The following IGSF21 variants were observed in gnomAD, a reference collection of about 807,000 sequenced individuals.
IGSF21 encodes the protein immunoglobin superfamily member 21, also known as immunoglobulin superfamily member 21.
Under a neutral mutation model 46.8 loss-of-function variants are expected in IGSF21, and 28 were observed. That is an observed-to-expected ratio of 0.60 (90% CI 0.44 to 0.82). The LOEUF (loss-of-function observed/expected upper bound fraction) is 0.82, where lower values mean the gene tolerates loss of function less well. Ranked by LOEUF, IGSF21 falls within the 40% of genes least tolerant of loss-of-function variation. The pLI, the probability that IGSF21 is intolerant of heterozygous loss-of-function variation, is 0.00. For missense variants in IGSF21, 624 were observed against 665.5 expected (o/e 0.94, Z 0.69); for synonymous variants, 284 against 273.6 (o/e 1.04, Z -0.38).
intron 4 of IGSF21, among the ~76,000 whole-genome samples, chr1:18,338,899 G>A (rs949277193): frequency 1.2e-4 from 18 of 151,856 alleles, no homozygotes; most frequent in African/African-American, 4.1e-4. Context: ...TGCAGGTTAG[G>A]GGGGAGGGAG....
chr1:18,362,171 T>C lies in IGSF21; in HGVS notation c.481T>C (p.Tyr161His). ...TGACACACCAGCCCCCTTCAGCCGC[T>C]ACCAAGCCCAGAACTTCACGCTGGT... Reference protein sequence around the residue: ...AADTPAPFSRYQAQNFTLVCI... With the variant: ...AADTPAPFSRHQAQNFTLVCI... Residue 161 changes from tyrosine (Y) to histidine (H), a missense_variant, in exon 5 of 10, where the codon TAC becomes CAC. Transcript: ENST00000251296. 6.2e-7 allele frequency: 1 copy of C among 1,613,396 alleles called. No homozygotes were observed. The highest frequency in any genetic ancestry group is 8.5e-7 in the Non-Finnish European group (1 of 1,179,776).
At chr1:18,300,093 C>T (rs2085346933) in intron 3 of IGSF21, among the ~76,000 whole-genome samples, 1 of 152,156 alleles carries the variant, frequency 6.6e-6, no homozygotes, top group Non-Finnish European at 1.5e-5. Context: ...TACATATCAA[C>T]TGAGCAACAA....
chr1:18,241,035 A>C (rs1268508771), intron 2 of IGSF21, among the ~76,000 whole-genome samples: 1 of 152,192 alleles, frequency 6.6e-6, no homozygotes. Context: ...GACTGTTCTG[A>C]GAAGCAGACA....
Position 18,365,278 on chromosome 1 carries a change from C to T in IGSF21, c.596C>T (p.Pro199Leu), listed in dbSNP as rs1462405600. Residue 199 changes from proline to leucine, a missense_variant, in exon 6 of 10, where the codon CCA becomes CTA. Pro to Leu is a moderately conservative substitution (Grantham distance 98). Coordinates refer to ENST00000251296, the MANE Select transcript of IGSF21 (RefSeq NM_032880.5). The surrounding 1 kb of genome is among the most constrained non-coding windows in gnomAD (Gnocchi z 4.8). ...GACGCAGTGCCCCTATCAGAGCCACCAGCTGCGAGCTCCGGCCCCCTACAG... is the reference window on the plus strand; with the variant it reads ...GACGCAGTGCCCCTATCAGAGCCACTAGCTGCGAGCTCCGGCCCCCTACAG... ...PIDAVPLSEP[P>L]AASSGPLQDS... The T allele has an allele frequency of 6.2e-7, 1 of 1,613,742 alleles. No homozygotes were observed. Among genetic ancestry groups the T allele is most frequent in the Non-Finnish European group, 8.5e-7 (1 of 1,179,786 alleles).
intron 1 of IGSF21, among the ~76,000 whole-genome samples, chr1:18,168,419 G>A (rs1345803773): frequency 6.6e-6 from 1 of 152,088 alleles, no homozygotes; most frequent in Non-Finnish European, 1.5e-5. Flanking sequence ...GCATCACTCA[G>A]CTCCATGCCT....
intron 1 of IGSF21, among the ~76,000 whole-genome samples, chr1:18,157,816 T>A (rs924351738): frequency 6.6e-6 from 1 of 152,022 alleles, no homozygotes; most frequent in South Asian, 2.1e-4. Flanking sequence ...GCTGGATGAG[T>A]CTTGGAGGGG....
chr1:18,357,581 A>G (rs907308581), intron 4 of IGSF21, among the ~76,000 whole-genome samples: 6 of 152,068 alleles, frequency 3.9e-5, no homozygotes, highest in African/African-American at 1.2e-4. Flanking sequence ...GAAGGCTTTT[A>G]TTGGGCTATG....
intron 2 of IGSF21, among the ~76,000 whole-genome samples, chr1:18,237,621 CA>C (rs2084685569): frequency 6.6e-6 from 1 of 152,160 alleles, no homozygotes; most frequent in Admixed American, 6.5e-5. Flanking sequence ...CCCCTCTCAC[CA>C]AAGCAGAATT....
intron 2 of IGSF21, among the ~76,000 whole-genome samples, chr1:18,247,827 A>T (rs530337369): frequency 6.6e-6 from 1 of 152,326 alleles, no homozygotes; most frequent in African/African-American, 2.4e-5. Flanking sequence ...AGACAGAGAC[A>T]CAGAAAGGCA....
chr1:18,148,121 AGTAT>A (rs1367156548), intron 1 of IGSF21, among the ~76,000 whole-genome samples: 2 of 139,182 alleles, frequency 1.4e-5, no homozygotes, highest in East Asian at 4.3e-4. Flanking sequence ...CTCAGTCACA[AGTAT>A]GTCCTTTTTT....
chr1:18,323,177 GA>G (rs2085621316), intron 3 of IGSF21, among the ~76,000 whole-genome samples: 1 of 152,178 alleles, frequency 6.6e-6, no homozygotes, highest in South Asian at 2.1e-4. Context: ...TCTCACATTG[GA>G]AAAAGGTTCC....
At chr1:18,255,960 G>C (rs2084888444) in intron 2 of IGSF21, among the ~76,000 whole-genome samples, 1 of 152,184 alleles carries the variant, frequency 6.6e-6, no homozygotes, top group Non-Finnish European at 1.5e-5. Flanking sequence ...TCATTTCACT[G>C]CATAAACCCC....
chr1:18,145,714 G>T (rs930573174), intron 1 of IGSF21, among the ~76,000 whole-genome samples: 3 of 152,214 alleles, frequency 2.0e-5, no homozygotes, highest in Non-Finnish European at 4.4e-5. Flanking sequence ...CCTCATGTCG[G>T]CTTCTCAGGG....
intron 1 of IGSF21, among the ~76,000 whole-genome samples, chr1:18,169,525 C>T (rs1248142843): frequency 6.6e-6 from 1 of 152,194 alleles, no homozygotes; most frequent in East Asian, 1.9e-4. Flanking sequence ...CATAAGACCC[C>T]AAGGAAATCA....
intron 2 of IGSF21, among the ~76,000 whole-genome samples, chr1:18,248,901 A>G (rs947630809): frequency 6.6e-6 from 1 of 151,456 alleles, no homozygotes; most frequent in African/African-American, 2.4e-5. Context: ...CATAGCATGG[A>G]CCCCCCCAAG....
At chr1:18,230,447 A>G (rs577192406) in intron 2 of IGSF21, among the ~76,000 whole-genome samples, 1 of 152,282 alleles carries the variant, frequency 6.6e-6, no homozygotes, top group Admixed American at 6.5e-5. Context: ...CCTTTGACTG[A>G]GGGCCTCTGG....
In IGSF21 at chr1:18,337,324, G is replaced by T. The variant is rs2085779631; in HGVS notation, c.424+2314G>T. On this transcript the variant is annotated intron_variant, in intron 4 of 9. Transcript: ENST00000251296. This position sits in a 1 kb window ranked among gnomAD's most constrained non-coding sequence, Gnocchi z 5.7. The stretch of plus-strand genomic sequence containing the variant: ...CAGGGATAAGGATGCTTCCCTCCTA[G>T]GGTGGCTGTGAGGCTTAAAGTAGAT... Among the ~76,000 whole-genome samples, 1 of 152,096 alleles carries T rather than the reference G, an allele frequency of 6.6e-6. No individual in the cohort carries two copies. The highest frequency in any genetic ancestry group is 6.5e-5 in the Admixed American group (1 of 15,280).
At chr1:18,209,941 T>C (rs906266325) in intron 1 of IGSF21, among the ~76,000 whole-genome samples, 3 of 152,028 alleles carry the variant, frequency 2.0e-5, no homozygotes, top group African/African-American at 7.2e-5. Context: ...TGGGAATAAA[T>C]GATCTTCTGT....
At chr1:18,377,139 G>C (rs2086291443) in intron 8 of IGSF21, 147 bp downstream of exon 8, 1 of 866,034 alleles carries the variant, frequency 1.2e-6, no homozygotes, top group Non-Finnish European at 1.8e-6. Flanking sequence ...CCCACTGGGA[G>C]GCAGGGTCGC....
Sources: allele counts gnomAD v4.1 joint callset (sites outside exome capture counted in the v4.1 genomes callset), GRCh38; gene constraint gnomAD v4.1.1; non-coding constraint Gnocchi (gnomAD v3.1); transcripts MANE v1.5; gene names NCBI Gene and HGNC (gene_info 2026-07-23, HGNC 2026-07-21).